Variants in SLC7A10 observed in about 807,000 individuals in gnomAD.
The protein encoded by SLC7A10 is solute carrier family 7 member 10.
Under a neutral mutation model 52.7 loss-of-function variants are expected in SLC7A10, and 30 were observed. The ratio of observed to expected loss-of-function variants is 0.57; its 90% CI spans 0.43 to 0.77. The LOEUF is 0.77. Among genes scored for constraint, SLC7A10 ranks in the 30% least tolerant of loss-of-function variants. The pLI is 0.00. For synonymous variants in SLC7A10, 318 were observed against 314.9 expected, an observed-to-expected ratio of 1.01 and a Z score of -0.10; for missense variants, 581 against 698.5, an observed-to-expected ratio of 0.83 and a Z score of 1.90.
chr19:33,225,689 C>T lies in SLC7A10; in HGVS notation c.15G>A (p.Thr5=). The change falls in exon 1 of 11, where the codon ACG becomes ACA. Residue 5 remains threonine, a synonymous_variant. Coordinates refer to ENST00000253188, the MANE Select transcript of SLC7A10 (RefSeq NM_019849.3). MAGH[T]QQPSGRGNPR... ...GGTTCCCGCGCCCGCTCGGCTGCTG[C>T]GTGTGGCCGGCCATGTCGCTGTCCC... 19 of 1,540,996 alleles carry T rather than the reference C, an allele frequency of 1.2e-5. No homozygotes were observed. The highest frequency in any genetic ancestry group is 2.5e-5 in the East Asian group (1 of 40,536).
rs1974908259 is a variant in SLC7A10 at position 33,225,634 on chromosome 19, G to C, written c.70C>G (p.Pro24Ala). ...PRPAPSPSPV[P>A]GTVPGASERV... ...TCCGAGGCGCCGGGGACGGTCCCTGGGACTGGGGAGGGCGAGGGCGCAGGC... is the reference window on the plus strand; with the variant it reads ...TCCGAGGCGCCGGGGACGGTCCCTGCGACTGGGGAGGGCGAGGGCGCAGGC... Residue 24 changes from proline to alanine, a missense_variant, in exon 1 of 11, where the codon CCA becomes GCA. Pro to Ala is a conservative substitution (Grantham distance 27). Transcript: ENST00000253188. The C allele has an allele frequency of 3.8e-6, 6 of 1,588,746 alleles. No homozygotes were observed. The highest frequency in any genetic ancestry group is 5.1e-6 in the Non-Finnish European group (6 of 1,176,420).
At chr19:33,217,649 C>T (rs1974718220) in intron 1 of SLC7A10, among the ~76,000 whole-genome samples, 4 of 152,240 alleles carry the variant, frequency 2.6e-5, no homozygotes, top group Non-Finnish European at 4.4e-5. Context: ...GTCCATCTCC[C>T]TCAGAGCGGG....
At chr19:33,212,263 C>T (rs1333475790) in intron 5 of SLC7A10, 29 bp downstream of exon 5, 3 of 1,579,578 alleles carry the variant, frequency 1.9e-6, no homozygotes, top group South Asian at 1.2e-5. Context: ...CTGGCTGCTT[C>T]CCAGGGCCCA....
At chr19:33,213,553 G>A (rs139259815) in intron 2 of SLC7A10, among the ~76,000 whole-genome samples, 4,335 of 152,292 alleles carry the variant, frequency 0.028, 196 homozygotes, top group African/African-American at 0.098. Context: ...CTCCCAAAGT[G>A]TTGGGATTAC....
chr19:33,220,392 C>T (rs1017778674), intron 1 of SLC7A10: 4 of 152,168 alleles, frequency 2.6e-5, no homozygotes, highest in African/African-American at 4.8e-5. Context: ...ACGCAACAGT[C>T]GAGCCCTAGG....
chr19:33,209,227 C>G (rs1974481760), intron 10 of SLC7A10, 81 bp downstream of exon 10: 1 of 1,587,084 alleles, frequency 6.3e-7, no homozygotes, highest in East Asian at 2.2e-5. Flanking sequence ...ACACCCTGCT[C>G]TGGGGTGAGC....
intron 2 of SLC7A10, among the ~76,000 whole-genome samples, chr19:33,214,238 A>C (rs920443938): frequency 2.0e-5 from 3 of 152,098 alleles, no homozygotes; most frequent in Admixed American, 2.0e-4. Context: ...AGCAGCGTGC[A>C]AGCCCTGGCA....
intron 1 of SLC7A10, among the ~76,000 whole-genome samples, 191 bp from the exon 2 acceptor site, chr19:33,216,164 AT>A (rs1276295434): frequency 6.6e-6 from 1 of 152,104 alleles, no homozygotes; most frequent in Non-Finnish European, 1.5e-5. Flanking sequence ...TTCTGGGCTC[AT>A]CATCTGCCCC....
rs1375445025 is a variant in SLC7A10, at chr19:33,211,240, A to G, written c.1001T>C (p.Leu334Pro). ...GTGCAGTCACCTGGAGTAGGTGAAC[A>G]GGTAACCATTGATCCCTCCGAAGGT... ...LSTFGGINGY[L>P]FTYSRLCFSG... The change falls in exon 7 of 11, where the codon CTG (leucine) becomes CCG (proline). Residue 334 changes from leucine to proline, a missense_variant. By Grantham distance (98) the Leu-to-Pro change is moderately conservative. Coordinates refer to ENST00000253188, the MANE Select transcript of SLC7A10 (RefSeq NM_019849.3). 4.3e-6 allele frequency: 7 copies of G among 1,613,944 alleles called. No individual in the cohort carries two copies.
chr19:33,219,167 G>A (rs879418860), intron 1 of SLC7A10, among the ~76,000 whole-genome samples: 81 of 152,180 alleles, frequency 5.3e-4, no homozygotes, highest in African/African-American at 1.9e-3. Context: ...CCAGAGCTCC[G>A]GGCAGGTAGG....
chr19:33,217,455 C>T (rs1171652595), intron 1 of SLC7A10, among the ~76,000 whole-genome samples: 1 of 152,218 alleles, frequency 6.6e-6, no homozygotes, highest in Non-Finnish European at 1.5e-5. Context: ...ATATGGGTCT[C>T]ACCATCTGTG....
At chr19:33,216,641 C>G (rs1353580434) in intron 1 of SLC7A10, among the ~76,000 whole-genome samples, 1 of 152,002 alleles carries the variant, frequency 6.6e-6, no homozygotes, top group Non-Finnish European at 1.5e-5. Context: ...TTTCCCCTTC[C>G]CTTCCCTTTC....
intron 1 of SLC7A10, among the ~76,000 whole-genome samples, chr19:33,222,459 TAAAATAAATAAAATAAAATA>T (rs1360102129): frequency 2.0e-4 from 29 of 141,548 alleles, no homozygotes; most frequent in African/African-American, 6.4e-4. Flanking sequence ...TAAAATAAAA[TAAAATAAATAAAATAAAATA>T]AAATAAAATA....
chr19:33,212,264 C>A, intron 5 of SLC7A10, 28 bp downstream of exon 5: 1 of 1,580,540 alleles, frequency 6.3e-7, no homozygotes. Context: ...TGGCTGCTTC[C>A]CAGGGCCCAG....
chr19:33,223,095 G>A (rs1017127645), intron 1 of SLC7A10, among the ~76,000 whole-genome samples: 1 of 152,096 alleles, frequency 6.6e-6, no homozygotes, highest in African/African-American at 2.4e-5. Flanking sequence ...ATCACTTGAG[G>A]TTAGGAGTTC....
In SLC7A10 at chr19:33,215,855, G is replaced by A. The variant is rs1356993463; in HGVS notation, c.270C>T (p.Ser90=). Residue 90 remains serine, a synonymous_variant, in exon 2 of 11, where the codon TCC becomes TCT. Transcript: ENST00000253188. The stretch of plus-strand genomic sequence containing the variant: ...CGACTCCCAGCTCTGCATAGCAGAG[G>A]GAGCCCAGAGCCGTCACGCCCCCAC... ...VLGGGVTALG[S]LCYAELGVAI... 1 of 1,602,774 alleles carries A rather than the reference G, an allele frequency of 6.2e-7. No homozygotes were observed.
Position 33,211,260 on chromosome 19 carries a change from G to T in SLC7A10, c.981C>A (p.Phe327Leu). 6.2e-7 allele frequency: 1 copy of T among 1,613,946 alleles called. No individual in the cohort carries two copies. The highest frequency in any genetic ancestry group is 8.5e-7 in the Non-Finnish European group (1 of 1,180,024). The change falls in exon 7 of 11, where the codon TTC becomes TTA. Residue 327 changes from phenylalanine to leucine, a missense_variant. Phe to Leu is a conservative substitution (Grantham distance 22). Transcript: ENST00000253188. ...VMPVSVALST[F>L]GGINGYLFTY... The stretch of plus-strand genomic sequence containing the variant: ...TGAACAGGTAACCATTGATCCCTCC[G>T]AAGGTTGACAGAGCCACGGAGACAG...
At chr19:33,209,138 G>A in intron 10 of SLC7A10, 117 bp from the exon 11 acceptor site, 1 of 1,557,612 alleles carries the variant, frequency 6.4e-7, no homozygotes, top group Non-Finnish European at 8.7e-7. Flanking sequence ...GGTACCCGTG[G>A]TTCTGGAAAC....
At position 33,225,680 on chromosome 19, in the gene SLC7A10, C is replaced by A; in HGVS notation, c.24G>T (p.Pro8=). 6.5e-7 allele frequency: 1 copy of A among 1,549,856 alleles called. No individual in the cohort carries two copies. The highest frequency in any genetic ancestry group is 2.4e-5 in the East Asian group (1 of 41,154). The part of the protein sequence containing the change: MAGHTQQ[P]SGRGNPRPAP... ...CAGGCCTGGGGTTCCCGCGCCCGCTCGGCTGCTGCGTGTGGCCGGCCATGT... is the reference window on the plus strand; with the variant it reads ...CAGGCCTGGGGTTCCCGCGCCCGCTAGGCTGCTGCGTGTGGCCGGCCATGT... Residue 8 remains proline, a synonymous_variant, in exon 1 of 11, where the codon CCG becomes CCT. Transcript: ENST00000253188.
Sources: gnomAD v4.1 joint callset for allele counts (sites outside exome capture counted in the v4.1 genomes callset) on GRCh38, gnomAD v4.1.1 for gene constraint, MANE v1.5 for transcripts, NCBI Gene and HGNC (gene_info 2026-07-23, HGNC 2026-07-21) for gene names.